The following SEMA3A variants were observed in gnomAD, a reference collection of about 807,000 sequenced individuals.
The protein encoded by SEMA3A is semaphorin 3A, also known as semaphorin-3A.
Under a neutral mutation model 97.9 loss-of-function variants are expected in SEMA3A, and 29 were observed. The ratio of observed to expected loss-of-function variants is 0.30; its 90% CI spans 0.22 to 0.40. The LOEUF (loss-of-function observed/expected upper bound fraction) is 0.40, where lower values mean the gene tolerates loss of function less well. SEMA3A is among the 10% of genes least tolerant of loss of function. SEMA3A has a pLI of 1.00. For missense variants in SEMA3A, 763 were observed against 951.3 expected (o/e 0.80, Z 2.60); for synonymous variants, 321 against 323.7 (o/e 0.99, Z 0.09).
chr7:84,452,361 C>T (rs1187935765), intron 1 of SEMA3A, among the ~76,000 whole-genome samples: 2 of 152,114 alleles, frequency 1.3e-5, no homozygotes, highest in African/African-American at 4.8e-5. Context: ...TGAACAACAG[C>T]AAGGCCATGG....
intron 2 of SEMA3A, among the ~76,000 whole-genome samples, chr7:84,334,240 G>A (rs1029850893): frequency 6.6e-6 from 1 of 151,552 alleles, no homozygotes; most frequent in Non-Finnish European, 1.5e-5. Context: ...TACAAATTTT[G>A]TTTTCATAAA....
chr7:83,963,885 C>T lies in SEMA3A; in HGVS notation c.1718-538G>A, dbSNP rs145417285. ...GAAGGTAGAGTGCAGGAAGTTTATACTATCCACCAATAATTCCTAAATAAT... is the reference window on the plus strand; with the variant it reads ...GAAGGTAGAGTGCAGGAAGTTTATATTATCCACCAATAATTCCTAAATAAT... On this transcript the variant is annotated intron_variant, in intron 15 of 16. Coordinates refer to ENST00000265362, the MANE Select transcript of SEMA3A (RefSeq NM_006080.3). 1.9e-3 allele frequency among the ~76,000 whole-genome samples: 296 copies of T among 152,248 alleles called. 1 individual carries two copies. Among genetic ancestry groups the T allele is most frequent in the African/African-American group, 6.9e-3 (285 of 41,550 alleles).
intron 4 of SEMA3A, among the ~76,000 whole-genome samples, chr7:84,069,205 T>C (rs1372234311): frequency 6.6e-6 from 1 of 152,164 alleles, no homozygotes; most frequent in Non-Finnish European, 1.5e-5. Flanking sequence ...TTTAAGGATG[T>C]TGAAATCGGG....
At chr7:84,037,174 T>C (rs769068822) in intron 6 of SEMA3A, among the ~76,000 whole-genome samples, 4 of 152,100 alleles carry the variant, frequency 2.6e-5, no homozygotes, top group Non-Finnish European at 5.9e-5. Context: ...AATTTTGTTT[T>C]CTCTTAAGGA....
chr7:84,461,700 T>C (rs1163105863), intron 1 of SEMA3A, among the ~76,000 whole-genome samples: 9 of 152,166 alleles, frequency 5.9e-5, no homozygotes, highest in Non-Finnish European at 1.3e-4. Context: ...ACATAATCTA[T>C]TACTGTTCAG....
At chr7:84,220,355 C>T (rs1798848239) in intron 3 of SEMA3A, among the ~76,000 whole-genome samples, 1 of 152,244 alleles carries the variant, frequency 6.6e-6, no homozygotes, top group Admixed American at 6.5e-5. Context: ...TCCTCAAAGT[C>T]ATCCATGAGG....
At chr7:84,214,131 A>AATAG (rs1337892318) in intron 3 of SEMA3A, among the ~76,000 whole-genome samples, 1 of 152,220 alleles carries the variant, frequency 6.6e-6, no homozygotes, top group African/African-American at 2.4e-5. Context: ...TTGGACTATG[A>AATAG]ATAGATACTT....
At chr7:84,070,377 A>G (rs1793694677) in intron 4 of SEMA3A, among the ~76,000 whole-genome samples, 1 of 152,136 alleles carries the variant, frequency 6.6e-6, no homozygotes. Context: ...TGTCTAATCC[A>G]AAGTCTTATA....
At chr7:84,194,244 C>T (rs1798140944) in intron 1 of SEMA3A, among the ~76,000 whole-genome samples, 1 of 152,004 alleles carries the variant, frequency 6.6e-6, no homozygotes, top group Admixed American at 6.6e-5. Context: ...CAGCTCTTTT[C>T]AGCAAATGTG....
At chr7:83,991,257 G>T (rs534733844) in intron 12 of SEMA3A, among the ~76,000 whole-genome samples, 2,366 of 152,026 alleles carry the variant, frequency 0.016, 28 homozygotes, top group Non-Finnish European at 0.026. Flanking sequence ...CGATCATGTC[G>T]TCTGCAAACA....
At chr7:84,299,030 G>T (rs916296600) in intron 3 of SEMA3A, among the ~76,000 whole-genome samples, 29 of 152,020 alleles carry the variant, frequency 1.9e-4, no homozygotes, top group Admixed American at 9.8e-4. Flanking sequence ...TCAGTGGTTT[G>T]CCAGGGGCTC....
At chr7:84,360,055 G>T (rs1017496186) in intron 2 of SEMA3A, among the ~76,000 whole-genome samples, 1 of 151,066 alleles carries the variant, frequency 6.6e-6, no homozygotes, top group Non-Finnish European at 1.5e-5. Context: ...CTTGCTAGTG[G>T]TCTATCAATT....
intron 2 of SEMA3A, among the ~76,000 whole-genome samples, chr7:84,337,466 T>C (rs1802065071): frequency 6.6e-6 from 1 of 152,168 alleles, no homozygotes; most frequent in South Asian, 2.1e-4. Flanking sequence ...TCCAGTGTGC[T>C]ATTTGGCTAA....
chr7:84,266,959 T>C (rs1800022362), intron 3 of SEMA3A, among the ~76,000 whole-genome samples: 2 of 152,166 alleles, frequency 1.3e-5, no homozygotes, highest in Non-Finnish European at 2.9e-5. Context: ...GCTTTATTTT[T>C]TAATACTTTG....
At chr7:84,055,104 C>T (rs539622290) in intron 5 of SEMA3A, among the ~76,000 whole-genome samples, 1 of 151,426 alleles carries the variant, frequency 6.6e-6, no homozygotes, top group South Asian at 2.1e-4. Context: ...CTGCTCTCTT[C>T]AAAGCTGTCA....
At chr7:84,311,819 T>C (rs2115866250) in intron 2 of SEMA3A, among the ~76,000 whole-genome samples, 1 of 152,130 alleles carries the variant, frequency 6.6e-6, no homozygotes, top group East Asian at 1.9e-4. Context: ...CCTTTGCAAG[T>C]ATCTCCCAAT....
At chr7:83,981,235 G>C in intron 14 of SEMA3A, 86 bp downstream of exon 14, 1 of 1,417,940 alleles carries the variant, frequency 7.1e-7, no homozygotes, top group South Asian at 1.2e-5. Flanking sequence ...AAAAGTTGAT[G>C]CACTTATTTG....
chr7:84,204,647 T>C (rs1798443181), intron 3 of SEMA3A, among the ~76,000 whole-genome samples: 1 of 152,216 alleles, frequency 6.6e-6, no homozygotes, highest in South Asian at 2.1e-4. Flanking sequence ...ATTAATTTTA[T>C]GGTTTGAAAA....
At chr7:84,060,317 A>C in intron 5 of SEMA3A, 148 bp downstream of exon 5, 1 of 570,780 alleles carries the variant, frequency 1.8e-6, no homozygotes. Context: ...TTTCTTCTTC[A>C]TTTTCAAACA....
Sources: allele counts gnomAD v4.1 joint callset (sites outside exome capture counted in the v4.1 genomes callset), GRCh38; gene constraint gnomAD v4.1.1; transcripts MANE v1.5; gene names NCBI Gene and HGNC (gene_info 2026-07-23, HGNC 2026-07-21).